The following MYO10 variants were observed in gnomAD, a reference collection of about 807,000 sequenced individuals.
The protein encoded by MYO10 is unconventional myosin-X.
MYO10 carries 133 observed loss-of-function variants against 257.3 expected under a neutral mutation model. The ratio of observed to expected loss-of-function variants is 0.52; its 90% CI spans 0.45 to 0.60. MYO10 has a LOEUF of 0.60. MYO10 is among the 20% of genes least tolerant of loss of function. The pLI, the probability that MYO10 is intolerant of heterozygous loss-of-function variation, is 0.00. For missense variants in MYO10, 2,399 were observed against 2,635.7 expected (o/e 0.91, Z 1.97); for synonymous variants, 1,104 against 1,028.6 (o/e 1.07, Z -1.40).
At chr5:16,825,828 A>G (rs192022702) in intron 2 of MYO10, among the ~76,000 whole-genome samples, 1 of 151,954 alleles carries the variant, frequency 6.6e-6, no homozygotes, top group Admixed American at 6.5e-5. Context: ...CAGCCTGGAC[A>G]AGACAGCGAG....
At chr5:16,890,176 T>C (rs1380956174) in intron 1 of MYO10, among the ~76,000 whole-genome samples, 2 of 151,882 alleles carry the variant, frequency 1.3e-5, no homozygotes, top group Non-Finnish European at 2.9e-5. Context: ...CACAAAATCA[T>C]ACTTCCTGGA....
chr5:16,860,126 A>G (rs1744068178), intron 2 of MYO10, among the ~76,000 whole-genome samples: 1 of 152,210 alleles, frequency 6.6e-6, no homozygotes, highest in Admixed American at 6.5e-5. Flanking sequence ...AGAAGCGGCC[A>G]ATCACTGGGT....
chr5:16,786,834 C>A (rs1406508523), intron 4 of MYO10, among the ~76,000 whole-genome samples: 1 of 150,900 alleles, frequency 6.6e-6, no homozygotes, highest in Non-Finnish European at 1.5e-5. Flanking sequence ...GGTCCCTCGT[C>A]CAAACCTGTG....
intron 19 of MYO10, among the ~76,000 whole-genome samples, chr5:16,732,310 G>A (rs1258371765): frequency 6.6e-6 from 1 of 152,132 alleles, no homozygotes; most frequent in East Asian, 1.9e-4. Flanking sequence ...CCCTGGTGAA[G>A]ACAACAGAAG....
intron 11 of MYO10, 23 bp from the exon 12 acceptor site, chr5:16,764,419 G>C: frequency 6.2e-7 from 1 of 1,612,452 alleles, no homozygotes; most frequent in Non-Finnish European, 8.5e-7. Flanking sequence ...AACCAGCACA[G>C]ACTCAGCTGA....
intron 29 of MYO10, 75 bp from the exon 30 acceptor site, chr5:16,684,010 C>T: frequency 9.2e-6 from 12 of 1,299,114 alleles, no homozygotes; most frequent in Non-Finnish European, 1.3e-5. Flanking sequence ...TACCTCTAGC[C>T]CACAACTCCC....
At chr5:16,919,698 C>T (rs941219818) in intron 1 of MYO10, among the ~76,000 whole-genome samples, 1 of 152,130 alleles carries the variant, frequency 6.6e-6, no homozygotes, top group South Asian at 2.1e-4. Flanking sequence ...ACACACAGGC[C>T]GGGCGCAGTG....
rs182376123 is a variant in MYO10, at chr5:16,846,381, A to T, written c.121-28214T>A. Among the ~76,000 whole-genome samples, 6 of 152,224 alleles carry T rather than the reference A, an allele frequency of 3.9e-5. No individual in the cohort carries two copies. In the East Asian group the frequency reaches 1.2e-3, roughly 29 times the overall value. On this transcript the variant is annotated intron_variant, in intron 2 of 40. Transcript: ENST00000513610. ...TGTGAGACAAAATGTTCTAGAATGG[A>T]CCTGCCAAGCCTGTTTTCTTCCTCC... is the stretch of plus-strand genomic sequence containing the variant.
intron 17 of MYO10, among the ~76,000 whole-genome samples, chr5:16,760,633 A>G (rs1740682526): frequency 3.9e-5 from 6 of 152,304 alleles, no homozygotes; most frequent in Middle Eastern, 3.4e-3. Flanking sequence ...TTATAGCTGA[A>G]TTAAGGCATT....
rs372677076 is a variant in MYO10 at position 16,780,718 on chromosome 5, G to C, written c.741+10C>G. 2.5e-6 allele frequency: 4 copies of C among 1,570,884 alleles called. No homozygotes were observed. Among genetic ancestry groups the C allele is most frequent in the Non-Finnish European group, 3.5e-6 (4 of 1,155,564 alleles). On this transcript the variant is annotated intron_variant, in intron 7 of 40. Transcript: ENST00000513610. ...TGGAAGAAAATGTGGATTAAATCAC[G>C]TTTACTTACTTTTTCTAATAAATCT...
At chr5:16,915,928 G>T (rs1745802293) in intron 1 of MYO10, 2 of 419,322 alleles carry the variant, frequency 4.8e-6, no homozygotes, top group Non-Finnish European at 9.5e-6. Flanking sequence ...CTGCACTCCA[G>T]CCTGGGCGAC....
intron 17 of MYO10, among the ~76,000 whole-genome samples, chr5:16,760,410 G>A (rs553853007): frequency 2.0e-5 from 3 of 149,830 alleles, no homozygotes; most frequent in Non-Finnish European, 4.4e-5. Flanking sequence ...GCAGTGAGCC[G>A]AGATTGCGCC....
intron 3 of MYO10, among the ~76,000 whole-genome samples, chr5:16,816,983 C>T (rs753193415): frequency 5.3e-5 from 8 of 152,008 alleles, no homozygotes; most frequent in African/African-American, 1.7e-4. Context: ...CCATGCCCAG[C>T]TAGTTTTTGT....
intron 2 of MYO10, chr5:16,853,882 C>T (rs1413482611): frequency 1.3e-5 from 2 of 152,308 alleles, no homozygotes; most frequent in South Asian, 4.2e-4. Context: ...GCTCCTGTCA[C>T]AGAGCCCGTT....
In MYO10 at chr5:16,681,782, C is replaced by A; in HGVS notation, c.4189+89G>T. ...CAACAGTTAAAATGACTGGGAAAAG[C>A]AGCTCGAAATGAAAATGCTGCAGAT... On this transcript the variant is annotated intron_variant, in intron 31 of 40. Coordinates refer to ENST00000513610, the MANE Select transcript of MYO10 (RefSeq NM_012334.3). 3 of 1,431,598 alleles carry A rather than the reference C, an allele frequency of 2.1e-6. No individual in the cohort carries two copies. In the South Asian group the frequency reaches 4.2e-5, roughly 20 times the overall value. 88.7% of individuals were successfully genotyped at this position (1,431,598 alleles called of 1,614,324 possible). A position where few individuals can be genotyped will look rare whatever the true frequency, so the allele number is the denominator to read the frequency against.
At chr5:16,786,907 A>T (rs550178283) in intron 4 of MYO10, among the ~76,000 whole-genome samples, 8 of 152,144 alleles carry the variant, frequency 5.3e-5, no homozygotes, top group African/African-American at 1.9e-4. Flanking sequence ...AGTAGCTCAC[A>T]TCTGTAATCC....
At chr5:16,802,155 A>AG (rs1742137232) in intron 3 of MYO10, among the ~76,000 whole-genome samples, 1 of 152,126 alleles carries the variant, frequency 6.6e-6, no homozygotes, top group Non-Finnish European at 1.5e-5. Context: ...AGAAAGTGGA[A>AG]GGGTGGTTGC....
rs1349654362 is a variant in MYO10, at chr5:16,781,714, T to C, written c.718A>G (p.Ile240Val). The change falls in exon 6 of 41, where the codon ATT (isoleucine) becomes GTT (valine). Residue 240 changes from isoleucine (I) to valine (V), a missense_variant. Ile to Val is a conservative substitution (Grantham distance 29). Transcript: ENST00000513610. ...CQKGNIQGGR[I>V]VDYLLEKNRV... Reference sequence around the variant, plus strand: ...AAATGAAAGAGGATACAATCTACAATTCTCCCGCCCTGAATATTTCCTTTC... The same window carrying C: ...AAATGAAAGAGGATACAATCTACAACTCTCCCGCCCTGAATATTTCCTTTC... 9.3e-6 allele frequency: 15 copies of C among 1,613,778 alleles called. No homozygotes were observed. The highest frequency in any genetic ancestry group is 1.3e-5 in the Non-Finnish European group (15 of 1,179,766).
At chr5:16,896,876 G>A (rs769765949) in intron 1 of MYO10, among the ~76,000 whole-genome samples, 16 of 152,088 alleles carry the variant, frequency 1.1e-4, no homozygotes, top group Non-Finnish European at 2.2e-4. Context: ...CATCAATTCG[G>A]TGATTCTCAA....
Sources: gnomAD v4.1 joint callset for allele counts (sites outside exome capture counted in the v4.1 genomes callset) on GRCh38, gnomAD v4.1.1 for gene constraint, MANE v1.5 for transcripts, NCBI Gene and HGNC (gene_info 2026-07-23, HGNC 2026-07-21) for gene names.